The following DRICH1 variants were observed in gnomAD, a reference collection of about 807,000 sequenced individuals.
The protein encoded by DRICH1 is aspartate-rich protein 1.
DRICH1 carries 38 observed loss-of-function variants against 39.5 expected under a neutral mutation model. The ratio of observed to expected loss-of-function variants is 0.96; its 90% CI spans 0.74 to 1.26. The LOEUF (loss-of-function observed/expected upper bound fraction) is 1.26, where lower values mean the gene tolerates loss of function less well. Ranked by LOEUF, DRICH1 falls within the 50% of genes most tolerant of loss-of-function variation. DRICH1 has a pLI of 0.00. For missense variants in DRICH1, 279 were observed against 270.4 expected (o/e 1.03, Z -0.22); for synonymous variants, 84 against 99.5 (o/e 0.84, Z 0.93).
Position 23,620,578 on chromosome 22 carries a change from A to G in DRICH1, c.406+16T>C, listed in dbSNP as rs1569092556. ...AAGTTTGTTTCTCAGAAAGTGAGTT[A>G]GTTCAAGGTACATACCCTGGACACG... On this transcript the variant is annotated intron_variant, in intron 5 of 11. Coordinates refer to ENST00000317749, the MANE Select transcript of DRICH1 (RefSeq NM_016449.4). 6.2e-7 allele frequency: 1 copy of G among 1,612,734 alleles called. No individual in the cohort carries two copies. The highest frequency in any genetic ancestry group is 2.2e-5 in the East Asian group (1 of 44,886).
At chr22:23,587,107 C>T in the DRICH1 span, among the ~76,000 whole-genome samples, 1 of 152,206 alleles carries the variant, frequency 6.6e-6, no homozygotes, top group East Asian at 1.9e-4. Context: ...GCATTTCCAA[C>T]AGTTTAGTCG....
intron 11 of DRICH1, among the ~76,000 whole-genome samples, chr22:23,612,230 C>T (rs1244664333): frequency 1.3e-5 from 2 of 151,966 alleles, no homozygotes; most frequent in Admixed American, 1.3e-4. Context: ...CTTTGGGAGG[C>T]TGAGGCGGGC....
chr22:23,626,880 C>T (rs1359738650), intron 1 of DRICH1, among the ~76,000 whole-genome samples: 2 of 152,142 alleles, frequency 1.3e-5, no homozygotes, highest in Non-Finnish European at 1.5e-5. Flanking sequence ...CAGGTCTCAC[C>T]TCCAATCTCA....
chr22:23,586,715 T>G, the DRICH1 span, among the ~76,000 whole-genome samples: 10 of 152,112 alleles, frequency 6.6e-5, no homozygotes, highest in Non-Finnish European at 1.3e-4. Context: ...GGCTAATTAT[T>G]GTATTTTTAG....
chr22:23,629,428 T>TCATGGGGATCAGTA (rs534428630), intron 1 of DRICH1, among the ~76,000 whole-genome samples: 1 of 152,116 alleles, frequency 6.6e-6, no homozygotes, highest in South Asian at 2.1e-4. Context: ...GGACAGTCCA[T>TCATGGGGATCAGTA]CATGGGGATC....
Position 23,608,506 on chromosome 22 carries a change from G to C in DRICH1, c.*258C>G, listed in dbSNP as rs777688616. 2 of 510,184 alleles carry C rather than the reference G, an allele frequency of 3.9e-6. No individual in the cohort carries two copies. Among genetic ancestry groups the C allele is most frequent in the East Asian group, 5.7e-5 (2 of 34,868 alleles). The allele number at this position is 510,184 out of a possible 1,614,324, so 31.6% of individuals were successfully genotyped here. ...GGGAATGGCACTTTCTGCTCGTGGA[G>C]CACAGTCACGTCTCTTCTCACTCTC... On this transcript the variant is annotated 3_prime_UTR_variant, in exon 12 of 12. Transcript: ENST00000317749.
At chr22:23,587,802 C>T in the DRICH1 span, among the ~76,000 whole-genome samples, 5 of 152,208 alleles carry the variant, frequency 3.3e-5, no homozygotes, top group African/African-American at 1.2e-4. Flanking sequence ...TTGAGCCAGG[C>T]CCCTCTAAGC....
the DRICH1 span, among the ~76,000 whole-genome samples, chr22:23,588,043 G>A: frequency 6.6e-6 from 1 of 152,258 alleles, no homozygotes; most frequent in South Asian, 2.1e-4. Context: ...ATGGAGCCCA[G>A]TCTCATACCG....
In DRICH1 at chr22:23,620,751, A is replaced by AT. The variant is rs141565683; in HGVS notation, c.385-137dup. ...GTTGAGTCAAGGTCAAAGGCCAAAC[A>AT]TTCTAGCATAGAGAACACCTGTGGA... On this transcript the variant is annotated intron_variant, in intron 4 of 11. Coordinates refer to ENST00000317749, the MANE Select transcript of DRICH1 (RefSeq NM_016449.4). The AT allele has an allele frequency of 1.7e-3, 1,627 of 968,816 alleles. 13 individuals carry two copies. In the African/African-American group the frequency reaches 0.023, roughly 14 times the overall value. The allele number at this position is 968,816 out of a possible 1,614,324, so 60.0% of individuals were successfully genotyped here. A position where few individuals can be genotyped will look rare whatever the true frequency, so the allele number is the denominator to read the frequency against.
the DRICH1 span, among the ~76,000 whole-genome samples, chr22:23,595,300 G>A: frequency 6.7e-6 from 1 of 149,332 alleles, no homozygotes; most frequent in African/African-American, 2.5e-5. Context: ...CCCTGAGAAG[G>A]TTCCCTAACC....
chr22:23,589,659 C>A, the DRICH1 span, among the ~76,000 whole-genome samples: 2 of 152,052 alleles, frequency 1.3e-5, no homozygotes, highest in Admixed American at 1.3e-4. Flanking sequence ...ACAGTCATGT[C>A]AAAACAAAGA....
chr22:23,608,480 T>A lies in DRICH1; in HGVS notation c.*284A>T. 2.0e-6 allele frequency: 1 copy of A among 497,372 alleles called. No individual in the cohort carries two copies. 30.8% of individuals were successfully genotyped at this position (497,372 alleles called of 1,614,324 possible). A position where few individuals can be genotyped will look rare whatever the true frequency, so the allele number is the denominator to read the frequency against. ...ATGCACTCAGTCTCTTTATTTCAAG[T>A]GGGAATGGCACTTTCTGCTCGTGGA... On this transcript the variant is annotated 3_prime_UTR_variant, in exon 12 of 12. Transcript: ENST00000317749.
intron 11 of DRICH1, chr22:23,610,310 C>T (rs1159475552): frequency 6.6e-6 from 1 of 152,234 alleles, no homozygotes; most frequent in East Asian, 1.9e-4. Flanking sequence ...GAAACTGATA[C>T]ACATCTTGGT....
chr22:23,614,045 A>C, intron 9 of DRICH1, 90 bp downstream of exon 9: 1 of 886,730 alleles, frequency 1.1e-6, no homozygotes, highest in Non-Finnish European at 1.9e-6. Flanking sequence ...CATAATGTGC[A>C]TTGCCAGATT....
chr22:23,620,475 C>T, intron 5 of DRICH1, 119 bp downstream of exon 5: 1 of 1,153,066 alleles, frequency 8.7e-7, no homozygotes, highest in Admixed American at 1.7e-5. Context: ...TATACACTTG[C>T]AGAATCATTT....
chr22:23,611,613 G>A (rs1037281206), intron 11 of DRICH1, among the ~76,000 whole-genome samples: 1 of 151,990 alleles, frequency 6.6e-6, no homozygotes, highest in Non-Finnish European at 1.5e-5. Context: ...GGATGGTCTC[G>A]ATTTCCTGAC....
At chr22:23,626,423 T>C (rs952145793) in intron 1 of DRICH1, among the ~76,000 whole-genome samples, 5 of 152,192 alleles carry the variant, frequency 3.3e-5, no homozygotes, top group African/African-American at 1.2e-4. Flanking sequence ...AATTGTCTCA[T>C]ATCTATCTTA....
At chr22:23,627,370 G>A (rs184283588) in intron 1 of DRICH1, among the ~76,000 whole-genome samples, 2 of 152,216 alleles carry the variant, frequency 1.3e-5, no homozygotes, top group East Asian at 3.9e-4. Flanking sequence ...ACCACGCCCG[G>A]CCCTGAACTT....
chr22:23,623,819 A>ACACTGGACCTTTTGCAGT (rs1927907279), intron 3 of DRICH1: 1 of 443,360 alleles, frequency 2.3e-6, no homozygotes, highest in Admixed American at 6.4e-5. Flanking sequence ...TGTAGAATAG[A>ACACTGGACCTTTTGCAGT]GAGCCCAGAA....
Sources: allele counts gnomAD v4.1 joint callset (sites outside exome capture counted in the v4.1 genomes callset), GRCh38; gene constraint gnomAD v4.1.1; transcripts MANE v1.5; gene names NCBI Gene and HGNC (gene_info 2026-07-23, HGNC 2026-07-21).